The following GSK3B variants were observed in gnomAD, a reference collection of about 807,000 sequenced individuals.
GSK3B encodes the protein glycogen synthase kinase-3 beta.
In GSK3B, 15 loss-of-function variants were observed where a neutral mutation model predicts 56.4. The ratio of observed to expected loss-of-function variants is 0.27; its 90% confidence interval spans 0.18 to 0.41. The LOEUF is 0.41. GSK3B is among the 10% of genes least tolerant of loss of function. The pLI is 1.00. For synonymous variants in GSK3B, 181 were observed against 188.9 expected, an observed-to-expected ratio of 0.96 and a Z score of 0.34; for missense variants, 300 against 513.4, an observed-to-expected ratio of 0.58 and a Z score of 4.02.
chr3:119,824,581 T>C lies in GSK3B; in HGVS notation c.*2207A>G, dbSNP rs893156029. 11 of 207,808 alleles carry C rather than the reference T, an allele frequency of 5.3e-5. No homozygotes were observed. Among genetic ancestry groups the C allele is most frequent in the Non-Finnish European group, 9.8e-5 (10 of 101,996 alleles). 12.9% of individuals were successfully genotyped at this position (207,808 alleles called of 1,614,324 possible). Reference sequence around the variant, plus strand: ...CCTGCCTTTTCAGATTCTTTATAAATTCTGTCTGAAAATGGTCTATCAACG... The same window carrying C: ...CCTGCCTTTTCAGATTCTTTATAAACTCTGTCTGAAAATGGTCTATCAACG... On this transcript the variant is annotated 3_prime_UTR_variant, in exon 11 of 11. Transcript: ENST00000264235.
chr3:119,932,138 T>C (rs1215873883), intron 3 of GSK3B, among the ~76,000 whole-genome samples: 2 of 152,330 alleles, frequency 1.3e-5, no homozygotes, highest in South Asian at 4.1e-4. Flanking sequence ...ACATTTTTAA[T>C]AGAATCATGA....
intron 8 of GSK3B, among the ~76,000 whole-genome samples, chr3:119,871,579 A>G (rs1342836578): frequency 6.6e-6 from 1 of 152,230 alleles, no homozygotes; most frequent in East Asian, 1.9e-4. Flanking sequence ...GAACTTAGAC[A>G]ATGAGAAAAT....
intron 1 of GSK3B, among the ~76,000 whole-genome samples, chr3:120,083,337 G>C (rs969392418): frequency 1.3e-5 from 2 of 152,062 alleles, no homozygotes; most frequent in South Asian, 2.1e-4. Context: ...GCTGTACAAC[G>C]GGGCCTGGAG....
At chr3:119,864,122 A>G (rs577723421) in intron 8 of GSK3B, among the ~76,000 whole-genome samples, 1 of 152,306 alleles carries the variant, frequency 6.6e-6, no homozygotes, top group South Asian at 2.1e-4. Flanking sequence ...AGAGCCTACC[A>G]TTATTTGAAG....
chr3:120,018,933 T>TTTGTTAGGAGCACCTAC (rs2057849645), intron 1 of GSK3B, among the ~76,000 whole-genome samples: 3 of 152,324 alleles, frequency 2.0e-5, no homozygotes, highest in South Asian at 2.1e-4. Context: ...CAGGTGCTAC[T>TTTGTTAGGAGCACCTAC]TTTGTAGGAA....
intron 3 of GSK3B, among the ~76,000 whole-genome samples, chr3:119,930,989 C>T (rs1167413895): frequency 6.6e-6 from 1 of 152,060 alleles, no homozygotes; most frequent in Admixed American, 6.5e-5. Flanking sequence ...TATGAAGGCA[C>T]CAAAAAATGC....
intron 2 of GSK3B, among the ~76,000 whole-genome samples, chr3:119,985,572 C>T (rs1015570612): frequency 2.0e-5 from 3 of 152,148 alleles, no homozygotes; most frequent in Non-Finnish European, 4.4e-5. Flanking sequence ...CATGAGTGAA[C>T]TCCCATTCAC....
At chr3:120,001,136 T>C (rs1240321644) in intron 2 of GSK3B, among the ~76,000 whole-genome samples, 1 of 115,954 alleles carries the variant, frequency 8.6e-6, no homozygotes, top group African/African-American at 3.4e-5. Flanking sequence ...TGGTGGGAGG[T>C]ATTGGATCAA....
chr3:119,900,204 T>C (rs145402826), intron 7 of GSK3B, among the ~76,000 whole-genome samples: 248 of 152,188 alleles, frequency 1.6e-3, no homozygotes, highest in African/African-American at 5.8e-3. Context: ...TTAGAGAAGA[T>C]ATACCCAAAT....
intron 2 of GSK3B, among the ~76,000 whole-genome samples, chr3:119,976,622 A>G (rs889240748): frequency 6.6e-6 from 1 of 152,168 alleles, no homozygotes; most frequent in Non-Finnish European, 1.5e-5. Context: ...TTCTGGAATT[A>G]GATAGTAGTG....
At chr3:119,864,810 T>G (rs569822595) in intron 8 of GSK3B, among the ~76,000 whole-genome samples, 3 of 152,336 alleles carry the variant, frequency 2.0e-5, no homozygotes, top group South Asian at 2.1e-4. Flanking sequence ...AAAAGAGGAT[T>G]GTATTTGTTT....
At chr3:119,877,052 A>T (rs946420054) in intron 7 of GSK3B, among the ~76,000 whole-genome samples, 1 of 152,198 alleles carries the variant, frequency 6.6e-6, no homozygotes, top group South Asian at 2.1e-4. Context: ...AAAGCCTTTT[A>T]TCTGTAGCTG....
In GSK3B at chr3:119,863,412, G is replaced by C; in HGVS notation, c.1096+7C>G. ...AACTGGTGAAGAGGCTAAGTGTTTGGAGTTACCTTGAGTGGTGAAGTTGAA... is the reference window on the plus strand; with the variant it reads ...AACTGGTGAAGAGGCTAAGTGTTTGCAGTTACCTTGAGTGGTGAAGTTGAA... On this transcript the variant is annotated splice_region_variant and intron_variant, in intron 9 of 10. Transcript: ENST00000264235. 1 of 1,609,192 alleles carries C rather than the reference G, an allele frequency of 6.2e-7. No individual in the cohort carries two copies. The highest frequency in any genetic ancestry group is 2.2e-5 in the East Asian group (1 of 44,844).
At chr3:120,044,923 G>C (rs1271557778) in intron 1 of GSK3B, among the ~76,000 whole-genome samples, 1 of 152,212 alleles carries the variant, frequency 6.6e-6, no homozygotes, top group Non-Finnish European at 1.5e-5. Flanking sequence ...TTTATCCAAT[G>C]AATTAACTAG....
At chr3:120,059,372 G>T (rs1218266988) in intron 1 of GSK3B, among the ~76,000 whole-genome samples, 1 of 152,132 alleles carries the variant, frequency 6.6e-6, no homozygotes, top group African/African-American at 2.4e-5. Context: ...CTCAAGTGCT[G>T]GATGAATAAA....
intron 6 of GSK3B, among the ~76,000 whole-genome samples, chr3:119,912,340 A>C (rs1297308648): frequency 1.3e-5 from 2 of 152,118 alleles, no homozygotes; most frequent in Non-Finnish European, 2.9e-5. Flanking sequence ...CTGATCATAG[A>C]TCACCATAGC....
intron 1 of GSK3B, among the ~76,000 whole-genome samples, chr3:120,013,742 A>T (rs1235595798): frequency 6.6e-6 from 1 of 152,070 alleles, no homozygotes; most frequent in Non-Finnish European, 1.5e-5. Flanking sequence ...AATAACACAC[A>T]GCTATTTTTA....
chr3:120,082,523 G>C (rs1051378891), intron 1 of GSK3B, among the ~76,000 whole-genome samples: 1 of 147,106 alleles, frequency 6.8e-6, no homozygotes, highest in African/African-American at 2.5e-5. Flanking sequence ...AGCCTCCCAA[G>C]TAGCTGGGAT....
intron 8 of GSK3B, among the ~76,000 whole-genome samples, chr3:119,871,475 A>G (rs1719894): frequency 0.47 from 70,717 of 152,036 alleles, 19,800 homozygotes; most frequent in Non-Finnish European, 0.61. Flanking sequence ...TCATATTAAT[A>G]CTATTATTAT....
Sources: allele counts gnomAD v4.1 joint callset (sites outside exome capture counted in the v4.1 genomes callset), GRCh38; gene constraint gnomAD v4.1.1; transcripts MANE v1.5; gene names NCBI Gene and HGNC (gene_info 2026-07-23, HGNC 2026-07-21).